PDE4D: variants seen among roughly 807,000 people sequenced by gnomAD.
PDE4D encodes 3',5'-cyclic-AMP phosphodiesterase 4D.
A neutral mutation model predicts 87.4 loss-of-function variants in PDE4D; 24 were observed. The ratio of observed to expected loss-of-function variants is 0.27; its 90% CI spans 0.20 to 0.39. The LOEUF is 0.39. PDE4D is among the 10% of genes least tolerant of loss of function. The pLI is 1.00. For missense variants in PDE4D, 714 were observed against 1,041.0 expected (o/e 0.69, Z 4.32); for synonymous variants, 384 against 383.2 (o/e 1.00, Z -0.02).
Position 59,112,511 on chromosome 5 carries a change from C to T in PDE4D, c.808+68084G>A, listed in dbSNP as rs190704185. On this transcript the variant is annotated intron_variant, in intron 5 of 14. Coordinates refer to ENST00000340635, the MANE Select transcript of PDE4D (RefSeq NM_001104631.2). ...TCATCCAAGCCAGAGAAGATGGTGG[C>T]TTGCAATAGGATGGTAACCATGGAG... is the stretch of plus-strand genomic sequence containing the variant. 1.2e-3 allele frequency among the ~76,000 whole-genome samples: 177 copies of T among 152,214 alleles called. 1 individual carries two copies. The highest frequency in any genetic ancestry group is 4.0e-3 in the African/African-American group (168 of 41,536).
intron 5 of PDE4D, among the ~76,000 whole-genome samples, chr5:59,094,980 T>A (rs546739041): frequency 6.6e-6 from 1 of 152,156 alleles, no homozygotes; most frequent in East Asian, 1.9e-4. Context: ...TTATAAAGAT[T>A]GCCAGACTTC....
chr5:59,630,561 T>C (rs771768919), intron 1 of PDE4D, among the ~76,000 whole-genome samples: 14 of 152,228 alleles, frequency 9.2e-5, no homozygotes, highest in African/African-American at 3.1e-4. Flanking sequence ...GGATAGCCCA[T>C]GATTTGTTTG....
intron 1 of PDE4D, among the ~76,000 whole-genome samples, chr5:59,281,533 TTAAG>T (rs1220239513): frequency 6.6e-6 from 1 of 152,302 alleles, no homozygotes; most frequent in East Asian, 1.9e-4. Context: ...TAGGTAAATA[TTAAG>T]TATTTTTTAT....
intron 3 of PDE4D, among the ~76,000 whole-genome samples, chr5:59,924,866 A>G (rs550097987): frequency 1.0e-3 from 155 of 152,260 alleles, no homozygotes; most frequent in South Asian, 2.3e-3. Context: ...AAAGACTAAA[A>G]GACAAACCAA....
intron 1 of PDE4D, among the ~76,000 whole-genome samples, chr5:59,315,081 C>T (rs755979258): frequency 2.6e-5 from 4 of 152,162 alleles, no homozygotes; most frequent in Non-Finnish European, 5.9e-5. Context: ...GCAGAAACCC[C>T]TCTCACTTTG....
chr5:59,529,737 G>A (rs796545186), intron 1 of PDE4D, among the ~76,000 whole-genome samples: 3 of 152,030 alleles, frequency 2.0e-5, no homozygotes, highest in South Asian at 2.1e-4. Flanking sequence ...TGACCAAAAG[G>A]TTTGATAAAT....
At chr5:60,049,087 A>T (rs1020543150) in intron 2 of PDE4D, among the ~76,000 whole-genome samples, 4 of 151,570 alleles carry the variant, frequency 2.6e-5, no homozygotes, top group Non-Finnish European at 5.9e-5. Flanking sequence ...TTTTCTCTAA[A>T]CTTCCCTTCT....
At chr5:59,452,941 C>T (rs1257944463) in intron 1 of PDE4D, among the ~76,000 whole-genome samples, 1 of 148,058 alleles carries the variant, frequency 6.8e-6, no homozygotes, top group Non-Finnish European at 1.5e-5. Context: ...TTTTGTTGTG[C>T]TTTGCAGAGA....
chr5:59,554,057 GA>G lies in PDE4D; in HGVS notation c.456-338090del, dbSNP rs1321906529. 3.3e-5 allele frequency among the ~76,000 whole-genome samples: 5 copies of G among 152,232 alleles called. No homozygotes were observed. In the East Asian group the frequency reaches 9.6e-4, roughly 29 times the overall value. On this transcript the variant is annotated intron_variant, in intron 1 of 14. Coordinates refer to ENST00000340635, the MANE Select transcript of PDE4D (RefSeq NM_001104631.2). Reference sequence around the variant, plus strand: ...TAAGGAAAAAGAGCAAAGGAGGGCTGATGTGGTTTATAGCTCCCATATGCCA... The same window carrying G: ...TAAGGAAAAAGAGCAAAGGAGGGCTGTGTGGTTTATAGCTCCCATATGCCA...
At chr5:59,093,676 C>A (rs777448126) in intron 5 of PDE4D, among the ~76,000 whole-genome samples, 1 of 152,176 alleles carries the variant, frequency 6.6e-6, no homozygotes, top group Non-Finnish European at 1.5e-5. Flanking sequence ...TTGTTTCTTG[C>A]CATCATTGTC....
At chr5:59,127,356 T>A (rs1023156146) in intron 5 of PDE4D, among the ~76,000 whole-genome samples, 1 of 152,198 alleles carries the variant, frequency 6.6e-6, no homozygotes, top group African/African-American at 2.4e-5. Flanking sequence ...GTCCAGCACC[T>A]GGGTGGCACA....
At chr5:59,346,112 T>C (rs780795054) in intron 1 of PDE4D, among the ~76,000 whole-genome samples, 6 of 152,332 alleles carry the variant, frequency 3.9e-5, no homozygotes, top group East Asian at 1.9e-4. Context: ...AGAGTTTATA[T>C]TGTATAATTT....
intron 5 of PDE4D, among the ~76,000 whole-genome samples, chr5:59,096,679 T>G (rs1158004980): frequency 3.3e-5 from 5 of 152,094 alleles, no homozygotes; most frequent in Admixed American, 3.3e-4. Context: ...AATGGAGAGT[T>G]CTTCTGATAT....
chr5:59,505,321 C>G (rs1231958118), intron 1 of PDE4D, among the ~76,000 whole-genome samples: 1 of 152,136 alleles, frequency 6.6e-6, no homozygotes, highest in Admixed American at 6.6e-5. Context: ...AGAATTTGTT[C>G]AAACAGCATT....
At chr5:59,864,611 C>A (rs186818392) in intron 1 of PDE4D, among the ~76,000 whole-genome samples, 1 of 152,250 alleles carries the variant, frequency 6.6e-6, no homozygotes, top group Admixed American at 6.5e-5. Flanking sequence ...GAATGCCTGA[C>A]GTGTGCCTAT....
At chr5:59,060,535 A>T (rs1306343023) in intron 5 of PDE4D, among the ~76,000 whole-genome samples, 7 of 152,204 alleles carry the variant, frequency 4.6e-5, no homozygotes, top group East Asian at 1.9e-4. Context: ...ATCTATAAAA[A>T]TTTTTTAAAT....
At chr5:60,039,208 C>T (rs1288296757) in intron 2 of PDE4D, among the ~76,000 whole-genome samples, 2 of 152,094 alleles carry the variant, frequency 1.3e-5, no homozygotes, top group Admixed American at 6.5e-5. Context: ...GAATGATAGA[C>T]TGGATTAAGA....
intron 5 of PDE4D, among the ~76,000 whole-genome samples, chr5:59,176,223 CCTTTAAAACCTAG>C (rs1300482456): frequency 1.2e-4 from 5 of 42,954 alleles, no homozygotes; most frequent in Non-Finnish European, 3.3e-4. Context: ...CAGTGACCTA[CCTTTAAAACCTAG>C]CTTTAAAACC....
At chr5:59,548,503 G>C (rs1023784580) in intron 1 of PDE4D, among the ~76,000 whole-genome samples, 1 of 152,094 alleles carries the variant, frequency 6.6e-6, no homozygotes, top group African/African-American at 2.4e-5. Context: ...ATAGACAAAT[G>C]TTCTACCTTC....
Sources: allele counts gnomAD v4.1 joint callset (sites outside exome capture counted in the v4.1 genomes callset), GRCh38; gene constraint gnomAD v4.1.1; transcripts MANE v1.5; gene names NCBI Gene and HGNC (gene_info 2026-07-23, HGNC 2026-07-21).